TRPV1: variants seen among roughly 807,000 people sequenced by gnomAD.
TRPV1 encodes the protein OTRPC1.
Under a neutral mutation model 82.3 loss-of-function variants are expected in TRPV1, and 82 were observed. That is an observed-to-expected ratio of 1.00 (90% CI 0.83 to 1.20). The LOEUF (loss-of-function observed/expected upper bound fraction) is 1.20, where lower values mean the gene tolerates loss of function less well. Among genes scored for constraint, TRPV1 ranks in the 50% most tolerant of loss-of-function variants. The pLI, the probability that TRPV1 is intolerant of heterozygous loss-of-function variation, is 0.00. For missense variants in TRPV1, 1,067 were observed against 1,096.8 expected, an observed-to-expected ratio of 0.97 and a Z score of 0.38; for synonymous variants, 515 against 467.7, an observed-to-expected ratio of 1.10 and a Z score of -1.30.
chr17:3,574,743 G>C (rs1307944682), intron 13 of TRPV1, among the ~76,000 whole-genome samples: 1 of 152,004 alleles, frequency 6.6e-6, no homozygotes. Context: ...GAGGTCAGGA[G>C]TTTGAGACCA....
intron 2 of TRPV1, among the ~76,000 whole-genome samples, chr17:3,605,635 A>G (rs973959905): frequency 6.6e-6 from 1 of 152,234 alleles, no homozygotes; most frequent in African/African-American, 2.4e-5. Flanking sequence ...TTGGAGGTTT[A>G]GCTCAATGTG....
chr17:3,588,383 A>G lies in TRPV1; in HGVS notation c.1045-16T>C, dbSNP rs1213789868. The G allele has an allele frequency of 6.5e-7, 1 of 1,550,036 alleles. No homozygotes were observed. Among genetic ancestry groups the G allele is most frequent in the Admixed American group, 2.0e-5 (1 of 51,136 alleles). On this transcript the variant is annotated splice_polypyrimidine_tract_variant and intron_variant, in intron 7 of 16. Coordinates refer to ENST00000572705, the MANE Select transcript of TRPV1 (RefSeq NM_080704.4). ...AGGCCAAGACCTGCCCCCGGGGAGCAAGAGCCCGTCAGAGGCCAGCCCCAG... is the reference window on the plus strand; with the variant it reads ...AGGCCAAGACCTGCCCCCGGGGAGCGAGAGCCCGTCAGAGGCCAGCCCCAG...
chr17:3,567,905 T>C (rs939907531), intron 16 of TRPV1, among the ~76,000 whole-genome samples: 6 of 152,134 alleles, frequency 3.9e-5, no homozygotes, highest in Non-Finnish European at 7.4e-5. Context: ...AATATCACAG[T>C]GAATGTGCAG....
intron 10 of TRPV1, among the ~76,000 whole-genome samples, chr17:3,582,185 A>T (rs907748550): frequency 1.9e-5 from 2 of 104,542 alleles, no homozygotes; most frequent in Non-Finnish European, 3.6e-5. Context: ...GTGAGACTCC[A>T]TCTCAAAAAA....
intron 3 of TRPV1, 47 bp downstream of exon 3, chr17:3,592,020 G>C (rs759851664): frequency 6.3e-7 from 1 of 1,584,798 alleles, no homozygotes; most frequent in South Asian, 1.1e-5. Flanking sequence ...CATCTCCATG[G>C]CCAGCTGGGC....
chr17:3,590,527 C>G (rs1260297493), intron 5 of TRPV1, 135 bp from the exon 6 acceptor site: 2 of 1,364,490 alleles, frequency 1.5e-6, no homozygotes, highest in Non-Finnish European at 2.0e-6. Context: ...AGGACCCCCC[C>G]ACTGCAGGAG....
intron 2 of TRPV1, among the ~76,000 whole-genome samples, chr17:3,600,116 C>T (rs2075250289): frequency 6.6e-6 from 1 of 152,148 alleles, no homozygotes; most frequent in African/African-American, 2.4e-5. Flanking sequence ...CATATAGACC[C>T]AGAAGTGGGA....
At chr17:3,595,459 G>A (rs1331466901) in intron 2 of TRPV1, among the ~76,000 whole-genome samples, 2 of 152,082 alleles carry the variant, frequency 1.3e-5, no homozygotes, top group African/African-American at 2.4e-5. Flanking sequence ...AATCAGAATA[G>A]GCCCTCTCAC....
At chr17:3,597,340 G>C (rs901733784) in intron 2 of TRPV1, among the ~76,000 whole-genome samples, 2 of 152,170 alleles carry the variant, frequency 1.3e-5, no homozygotes, top group South Asian at 4.1e-4. Flanking sequence ...TCCTGCCCCC[G>C]GAGGTCTGGG....
At position 3,589,809 on chromosome 17, in the gene TRPV1, CGATCTTCCCGGTCCCAG is replaced by C; in HGVS notation, c.1025_1041del (p.Ala342GlyfsTer62). ...CCTGAGCCGAAGCCCCCTCTTACCC[CGATCTTCCCGGTCCCAG>C]CTGCCAGAGCCAGCGGCGTCATTCC... On this transcript the variant is annotated frameshift_variant, in exon 7 of 17. Transcript: ENST00000572705. LOFTEE classifies it high-confidence loss of function. 6.2e-7 allele frequency: 1 copy of C among 1,609,492 alleles called. No homozygotes were observed. Among genetic ancestry groups the C allele is most frequent in the Middle Eastern group, 1.7e-4 (1 of 6,032 alleles).
At chr17:3,592,618 G>A in intron 2 of TRPV1, 1 of 517,906 alleles carries the variant, frequency 1.9e-6, no homozygotes, top group Non-Finnish European at 3.5e-6. Flanking sequence ...ACTGACGTCG[G>A]CCTGGGAGGG....
chr17:3,588,500 C>G lies in TRPV1; in HGVS notation c.1045-133G>C, dbSNP rs540287281. On this transcript the variant is annotated intron_variant, in intron 7 of 16. Coordinates refer to ENST00000572705, the MANE Select transcript of TRPV1 (RefSeq NM_080704.4). ...GCCCCAGGCGAGTCCCCACCCACTCCTGACCACCACTGAGATCAACCAGCC... is the reference window on the plus strand; with the variant it reads ...GCCCCAGGCGAGTCCCCACCCACTCGTGACCACCACTGAGATCAACCAGCC... 1.2e-4 allele frequency: 117 copies of G among 967,036 alleles called. No homozygotes were observed. The African/African-American group carries it at 1.5e-3, about 12-fold the overall frequency. The allele number at this position is 967,036 out of a possible 1,614,324, so 59.9% of individuals were successfully genotyped here.
intron 2 of TRPV1, among the ~76,000 whole-genome samples, chr17:3,598,352 G>A (rs1424754913): frequency 6.6e-6 from 1 of 152,164 alleles, no homozygotes; most frequent in East Asian, 1.9e-4. Flanking sequence ...TTGACAAAGA[G>A]CTTTCCCAAA....
chr17:3,572,365 G>T, intron 14 of TRPV1, 116 bp from the exon 15 acceptor site: 1 of 1,343,578 alleles, frequency 7.4e-7, no homozygotes, highest in South Asian at 1.4e-5. Flanking sequence ...TGCCTCCAGG[G>T]TGGTTGTCCA....
intron 2 of TRPV1, among the ~76,000 whole-genome samples, chr17:3,593,126 G>C (rs1295864533): frequency 4.2e-4 from 20 of 48,144 alleles, no homozygotes; most frequent in African/African-American, 3.3e-3. Flanking sequence ...GTGTGTGTGT[G>C]TGTGTGTGTG....
At chr17:3,588,121 G>T (rs2075106394) in intron 8 of TRPV1, 67 bp downstream of exon 8, 3 of 1,509,112 alleles carry the variant, frequency 2.0e-6, no homozygotes, top group Non-Finnish European at 2.7e-6. Context: ...AGCTGGACCA[G>T]GGGCTGGGAT....
chr17:3,581,977 T>A, intron 10 of TRPV1, among the ~76,000 whole-genome samples: 1 of 144,782 alleles, frequency 6.9e-6, no homozygotes. Context: ...GATCACGAGG[T>A]CAGGAGATCG....
chr17:3,596,486 C>T (rs1224211619), intron 2 of TRPV1, among the ~76,000 whole-genome samples: 2 of 152,212 alleles, frequency 1.3e-5, no homozygotes, highest in Non-Finnish European at 2.9e-5. Flanking sequence ...GATAGGACAG[C>T]AGCACAAGGA....
chr17:3,609,286 T>A (rs926807097), intron 1 of TRPV1, 23 bp downstream of exon 1: 2 of 151,448 alleles, frequency 1.3e-5, no homozygotes, highest in Non-Finnish European at 2.9e-5. Flanking sequence ...ATGACATTTA[T>A]AAAGAGACAA....
Sources: allele counts gnomAD v4.1 joint callset (sites outside exome capture counted in the v4.1 genomes callset), GRCh38; gene constraint gnomAD v4.1.1; transcripts MANE v1.5; gene names NCBI Gene and HGNC (gene_info 2026-07-23, HGNC 2026-07-21).